KCNK10: variants seen among roughly 807,000 people sequenced by gnomAD.
KCNK10 encodes the protein potassium channel subfamily K member 10.
Under a neutral mutation model 47.7 loss-of-function variants are expected in KCNK10, and 25 were observed. The observed-to-expected ratio is 0.52, with a 90% CI of 0.38 to 0.73. The LOEUF is 0.73. Among genes scored for constraint, KCNK10 ranks in the 30% least tolerant of loss-of-function variants. KCNK10 has a pLI of 0.00. For synonymous variants in KCNK10, 303 were observed against 285.6 expected (o/e 1.06, Z -0.61); for missense variants, 563 against 714.5 (o/e 0.79, Z 2.42).
Position 88,323,168 on chromosome 14 carries a change from G to A in KCNK10, c.-370C>T, listed in dbSNP as rs1345055813. 2 of 1,113,040 alleles carry A rather than the reference G, an allele frequency of 1.8e-6. No homozygotes were observed. The highest frequency in any genetic ancestry group is 4.6e-5 in the Admixed American group (1 of 21,750). The allele number at this position is 1,113,040 out of a possible 1,614,324, so 68.9% of individuals were successfully genotyped here. A position where few individuals can be genotyped will look rare whatever the true frequency, so the allele number is the denominator to read the frequency against. On this transcript the variant is annotated 5_prime_UTR_variant, in exon 1 of 7. Transcript: ENST00000319231. ...GGGGCTGCGCAGCCTGAAGGCTGGG[G>A]CTACGGAGAAGCCCACTGCAGTGTC...
At chr14:88,254,149 T>A (rs1566703599) in intron 2 of KCNK10, among the ~76,000 whole-genome samples, 1 of 152,132 alleles carries the variant, frequency 6.6e-6, no homozygotes, top group Non-Finnish European at 1.5e-5. Flanking sequence ...GTGACCATTT[T>A]GCATTGGAGA....
rs1481422145 is a variant in KCNK10, at chr14:88,282,215, G to C, written c.53-18664C>G. 2.0e-5 allele frequency among the ~76,000 whole-genome samples: 3 copies of C among 152,200 alleles called. No homozygotes were observed. The East Asian group carries it at 5.8e-4, about 29-fold the overall frequency. On this transcript the variant is annotated intron_variant, in intron 1 of 6. Coordinates refer to ENST00000319231, the MANE Select transcript of KCNK10 (RefSeq NM_138317.3). ...AAAAAGGAATCATAGATATCAACTA[G>C]TCCAACCACCTCAACCAGAGGTTGT...
At chr14:88,318,557 G>A (rs1261966433) in intron 1 of KCNK10, among the ~76,000 whole-genome samples, 1 of 152,194 alleles carries the variant, frequency 6.6e-6, no homozygotes, top group Non-Finnish European at 1.5e-5. Flanking sequence ...GAGGACATCT[G>A]AGCTGAGATT....
chr14:88,322,763 C>T lies in KCNK10; in HGVS notation c.36G>A (p.Val12=), dbSNP rs1888574360. 1 of 1,614,192 alleles carries T rather than the reference C, an allele frequency of 6.2e-7. No homozygotes were observed. Among genetic ancestry groups the T allele is most frequent in the Non-Finnish European group, 8.5e-7 (1 of 1,180,020 alleles). The change falls in exon 1 of 7, where the codon GTG becomes GTA. Residue 12 remains valine (V), a synonymous_variant. Coordinates refer to ENST00000319231, the MANE Select transcript of KCNK10 (RefSeq NM_138317.3). The surrounding 1 kb of genome is among the most constrained non-coding windows in gnomAD (Gnocchi z 4.8). ...KFPIETPRKQ[V]NWDPKVAVPA... is the part of the protein sequence containing the mutation. ...AACACCCACCTTTAGGATCCCAGTT[C>T]ACCTGTTTTCTTGGCGTCTCGATTG...
chr14:88,263,241 A>G lies in KCNK10; in HGVS notation c.363T>C (p.His121=), dbSNP rs1887162197. 2 of 1,614,168 alleles carry G rather than the reference A, an allele frequency of 1.2e-6. No individual in the cohort carries two copies. The highest frequency in any genetic ancestry group is 1.7e-6 in the Non-Finnish European group (2 of 1,180,036). Residue 121 remains histidine (H), a synonymous_variant, in exon 2 of 7, where the codon CAT becomes CAC. Transcript: ENST00000319231. ...CCAGCTCCTGGGGGCTCACACAGAC[A>G]TGATCCCGCAGGAATTCCGCCTTCT... The part of the protein sequence containing the change: ...ALEKAEFLRD[H]VCVSPQELET...
At chr14:88,321,307 G>T (rs1888541823) in intron 1 of KCNK10, among the ~76,000 whole-genome samples, 1 of 152,140 alleles carries the variant, frequency 6.6e-6, no homozygotes, top group Non-Finnish European at 1.5e-5. Context: ...AGCCTTCTCT[G>T]GTCCTTGTCA....
At chr14:88,262,644 A>G (rs78954174) in intron 2 of KCNK10, among the ~76,000 whole-genome samples, 1,727 of 152,286 alleles carry the variant, frequency 0.011, 8 homozygotes, top group Non-Finnish European at 0.018. Flanking sequence ...TGCCTGATAC[A>G]CAGTAAGTAT....
intron 1 of KCNK10, among the ~76,000 whole-genome samples, chr14:88,291,232 C>T (rs1887869615): frequency 6.6e-6 from 1 of 152,150 alleles, no homozygotes; most frequent in Non-Finnish European, 1.5e-5. Context: ...CCCCTCGTTC[C>T]CCACCACCCC....
chr14:88,240,685 T>A lies in KCNK10; in HGVS notation c.520+18A>T, dbSNP rs200661609. The stretch of plus-strand genomic sequence containing the variant: ...AGATGACCTGCAGAGGAAGAGATAT[T>A]AGCAAACAAACGGGTACCTATGGTC... On this transcript the variant is annotated intron_variant, in intron 3 of 6. Coordinates refer to ENST00000319231, the MANE Select transcript of KCNK10 (RefSeq NM_138317.3). 6.6e-7 allele frequency: 1 copy of A among 1,508,354 alleles called. No homozygotes were observed. Among genetic ancestry groups the A allele is most frequent in the Non-Finnish European group, 9.2e-7 (1 of 1,083,638 alleles). 93.4% of individuals were successfully genotyped at this position (1,508,354 alleles called of 1,614,324 possible). A position where few individuals can be genotyped will look rare whatever the true frequency, so the allele number is the denominator to read the frequency against.
rs567129712 is a variant in KCNK10, at chr14:88,218,551, G to A, written c.681+8824C>T. Among the ~76,000 whole-genome samples the A allele has an allele frequency of 1.3e-3, 196 of 146,916 alleles. 2 individuals carry two copies. The highest frequency in any genetic ancestry group is 4.1e-3 in the African/African-American group (164 of 40,154). On this transcript the variant is annotated intron_variant, in intron 4 of 6. Transcript: ENST00000319231. ...TTCTGCCATATCCTTGGGGCGGGGG[G>A]AAAGCCAAAAAAAGAAAAAGAAAAA...
intron 1 of KCNK10, among the ~76,000 whole-genome samples, chr14:88,276,261 A>T: frequency 7.7e-6 from 1 of 129,550 alleles, no homozygotes; most frequent in Non-Finnish European, 1.5e-5. Flanking sequence ...CTTATAAAAG[A>T]GAACCCAGAG....
intron 2 of KCNK10, among the ~76,000 whole-genome samples, chr14:88,259,406 A>G (rs1227531991): frequency 6.6e-6 from 1 of 152,216 alleles, no homozygotes; most frequent in Non-Finnish European, 1.5e-5. Context: ...CTGATGCTCA[A>G]TGTGCATAGG....
At position 88,222,607 on chromosome 14, in the gene KCNK10, C is replaced by T. The variant is rs114748595; in HGVS notation, c.681+4768G>A. ...TTGTAACAAATGTACCAGTCTGGTG[C>T]GGGATGTTGATAATGAGGGAGACTG... On this transcript the variant is annotated intron_variant, in intron 4 of 6. Coordinates refer to ENST00000319231, the MANE Select transcript of KCNK10 (RefSeq NM_138317.3). Among the ~76,000 whole-genome samples, 984 of 152,054 alleles carry T rather than the reference C, an allele frequency of 6.5e-3. 11 individuals carry two copies. Among genetic ancestry groups the T allele is most frequent in the African/African-American group, 0.022 (918 of 41,458 alleles).
intron 1 of KCNK10, among the ~76,000 whole-genome samples, chr14:88,286,354 A>G (rs1887759517): frequency 6.6e-6 from 1 of 152,158 alleles, no homozygotes. Context: ...TGGGATGGCT[A>G]TGCAGCAATC....
At chr14:88,277,711 A>C (rs751089864) in intron 1 of KCNK10, among the ~76,000 whole-genome samples, 12 of 152,208 alleles carry the variant, frequency 7.9e-5, no homozygotes, top group Non-Finnish European at 1.6e-4. Context: ...TTGGGGAATA[A>C]AATGTGGCCG....
intron 4 of KCNK10, among the ~76,000 whole-genome samples, chr14:88,220,694 C>T (rs772647218): frequency 2.6e-5 from 4 of 151,206 alleles, no homozygotes; most frequent in Non-Finnish European, 4.4e-5. Flanking sequence ...AGCTCACACC[C>T]TTCACAAAAA....
chr14:88,275,162 CCA>C (rs1887500434), intron 1 of KCNK10, among the ~76,000 whole-genome samples: 1 of 152,126 alleles, frequency 6.6e-6, no homozygotes, highest in Admixed American at 6.5e-5. Context: ...TCTCCCTCGC[CCA>C]CAACATCAGG....
intron 1 of KCNK10, among the ~76,000 whole-genome samples, chr14:88,277,857 T>C (rs1402438849): frequency 6.6e-6 from 1 of 152,114 alleles, no homozygotes. Context: ...CTCCCCAAAA[T>C]ACCTTTTCTC....
chr14:88,253,419 G>C (rs188606853), intron 2 of KCNK10, among the ~76,000 whole-genome samples: 14 of 152,230 alleles, frequency 9.2e-5, no homozygotes, highest in Admixed American at 9.2e-4. Context: ...TGATGAATAT[G>C]CTAATTTCCC....
Sources: gnomAD v4.1 joint callset for allele counts (sites outside exome capture counted in the v4.1 genomes callset) on GRCh38, gnomAD v4.1.1 for gene constraint, Gnocchi (gnomAD v3.1) non-coding constraint, MANE v1.5 for transcripts, NCBI Gene and HGNC (gene_info 2026-07-23, HGNC 2026-07-21) for gene names.